VPS41: variants seen among roughly 807,000 people sequenced by gnomAD.
VPS41 encodes the protein vacuolar protein sorting-associated protein 41 homolog.
In VPS41, 85 loss-of-function variants were observed where a neutral mutation model predicts 130.9. That is an observed-to-expected ratio of 0.65 (90% CI 0.55 to 0.78). VPS41 has a LOEUF of 0.78. Ranked by LOEUF, VPS41 falls within the 30% of genes least tolerant of loss-of-function variation. VPS41 has a pLI of 0.00. For synonymous variants in VPS41, 335 were observed against 332.9 expected, an observed-to-expected ratio of 1.01 and a Z score of -0.07; for missense variants, 874 against 1,018.7, an observed-to-expected ratio of 0.86 and a Z score of 1.93.
chr7:38,837,676 G>A (rs1015065649), intron 4 of VPS41, among the ~76,000 whole-genome samples: 5 of 152,166 alleles, frequency 3.3e-5, no homozygotes, highest in African/African-American at 1.2e-4. Context: ...TGGCTGTCAG[G>A]AGAACTGTGC....
intron 21 of VPS41, 91 bp downstream of exon 21, chr7:38,754,611 T>C: frequency 1.9e-6 from 2 of 1,042,230 alleles, no homozygotes; most frequent in Non-Finnish European, 2.9e-6. Flanking sequence ...CCTTGAAGAA[T>C]TCACTCCAGT....
intron 6 of VPS41, 35 bp downstream of exon 6, chr7:38,821,168 A>C: frequency 6.5e-7 from 1 of 1,542,166 alleles, no homozygotes; most frequent in Non-Finnish European, 9.0e-7. Flanking sequence ...ACTTGAGAAA[A>C]CCCTTAGAAA....
At chr7:38,842,285 TC>T (rs1785624089) in intron 4 of VPS41, among the ~76,000 whole-genome samples, 1 of 151,954 alleles carries the variant, frequency 6.6e-6, no homozygotes, top group African/African-American at 2.4e-5. Flanking sequence ...TGACACCACT[TC>T]CCCAAACAAG....
At chr7:38,796,951 G>A (rs1443874516) in intron 7 of VPS41, 87 bp from the exon 8 acceptor site, 1 of 1,501,440 alleles carries the variant, frequency 6.7e-7, no homozygotes, top group Non-Finnish European at 9.2e-7. Context: ...CTATCCTCGT[G>A]ACCAAATAAC....
intron 21 of VPS41, among the ~76,000 whole-genome samples, chr7:38,753,314 C>T (rs905147022): frequency 2.0e-5 from 3 of 152,050 alleles, no homozygotes; most frequent in Non-Finnish European, 2.9e-5. Flanking sequence ...ACAATGACGC[C>T]TAACCATGGA....
At chr7:38,787,231 A>G (rs1393981277) in intron 10 of VPS41, among the ~76,000 whole-genome samples, 1 of 152,156 alleles carries the variant, frequency 6.6e-6, no homozygotes, top group Non-Finnish European at 1.5e-5. Flanking sequence ...CCCTGGCAGA[A>G]AACTCCCAGA....
At position 38,754,691 on chromosome 7, in the gene VPS41, G is replaced by A. The variant is rs760811325; in HGVS notation, c.1788+11C>T. 3 of 1,612,014 alleles carry A rather than the reference G, an allele frequency of 1.9e-6. No homozygotes were observed. Among genetic ancestry groups the A allele is most frequent in the Non-Finnish European group, 2.5e-6 (3 of 1,178,390 alleles). ...ATCAAAAGGGCAAAAGGAGGAGACT[G>A]CCATGCTCACCACATGCTGTAGCTC... On this transcript the variant is annotated intron_variant, in intron 21 of 28. Transcript: ENST00000310301.
chr7:38,860,568 C>G (rs746020703), intron 4 of VPS41, among the ~76,000 whole-genome samples: 9 of 152,102 alleles, frequency 5.9e-5, no homozygotes, highest in Admixed American at 4.6e-4. Flanking sequence ...AACATTAAGT[C>G]TATAAAATTA....
chr7:38,865,701 G>A (rs1786214182), intron 3 of VPS41, among the ~76,000 whole-genome samples: 1 of 152,296 alleles, frequency 6.6e-6, no homozygotes, highest in African/African-American at 2.4e-5. Flanking sequence ...GCTACAACTT[G>A]CTCAAAGGCA....
At chr7:38,892,331 G>A (rs1037795915) in intron 2 of VPS41, among the ~76,000 whole-genome samples, 2 of 152,138 alleles carry the variant, frequency 1.3e-5, no homozygotes, top group African/African-American at 2.4e-5. Context: ...CAAAGTTACC[G>A]AAAACTTGAA....
At chr7:38,819,068 G>A (rs572164644) in intron 6 of VPS41, among the ~76,000 whole-genome samples, 2 of 152,204 alleles carry the variant, frequency 1.3e-5, no homozygotes, top group South Asian at 2.1e-4. Flanking sequence ...TAGCTCTCTC[G>A]TAATGCATAA....
rs116392310 is a variant in VPS41, at chr7:38,827,856, G to C, written c.321+2398C>G. ...AATACTTCAGTGTATGGATCAAAAGGACTGACGGTACTCCAGAAAAAATTA... is the reference window on the plus strand; with the variant it reads ...AATACTTCAGTGTATGGATCAAAAGCACTGACGGTACTCCAGAAAAAATTA... On this transcript the variant is annotated intron_variant, in intron 5 of 28. Transcript: ENST00000310301. Among the ~76,000 whole-genome samples, 836 of 152,266 alleles carry C rather than the reference G, an allele frequency of 5.5e-3. 7 individuals are homozygous for C. Among genetic ancestry groups the C allele is most frequent in the African/African-American group, 0.018 (758 of 41,556 alleles).
chr7:38,863,130 T>G (rs1354330218), intron 3 of VPS41, among the ~76,000 whole-genome samples: 6 of 152,242 alleles, frequency 3.9e-5, no homozygotes, highest in African/African-American at 1.4e-4. Context: ...ATACCATCAG[T>G]TAGCTTTAGG....
At chr7:38,773,552 G>A (rs1480699422) in intron 12 of VPS41, among the ~76,000 whole-genome samples, 3 of 152,002 alleles carry the variant, frequency 2.0e-5, no homozygotes, top group Admixed American at 1.3e-4. Context: ...ATTTTACAAG[G>A]GTATGATAAC....
chr7:38,728,854 A>G, intron 25 of VPS41, 63 bp from the exon 26 acceptor site: 1 of 1,428,856 alleles, frequency 7.0e-7, no homozygotes, highest in African/African-American at 1.4e-5. Context: ...GGGTGAAGGG[A>G]CACTGTACTG....
At chr7:38,748,094 T>A (rs1277404375) in intron 22 of VPS41, among the ~76,000 whole-genome samples, 1 of 152,188 alleles carries the variant, frequency 6.6e-6, no homozygotes, top group Non-Finnish European at 1.5e-5. Flanking sequence ...TCTCTAGAAA[T>A]TTTGAGTAAA....
intron 2 of VPS41, among the ~76,000 whole-genome samples, chr7:38,875,492 T>C (rs1168679002): frequency 1.3e-5 from 2 of 152,204 alleles, no homozygotes; most frequent in Non-Finnish European, 2.9e-5. Context: ...TAACTATTAA[T>C]ACTGTATGCT....
chr7:38,866,847 G>T (rs62442053), intron 3 of VPS41, among the ~76,000 whole-genome samples: 8,997 of 152,242 alleles, frequency 0.059, 375 homozygotes, highest in Non-Finnish European at 0.087. Context: ...AATAGGAAAA[G>T]AATGGTGTCA....
chr7:38,772,843 T>G (rs535361891), intron 12 of VPS41, among the ~76,000 whole-genome samples: 1 of 152,114 alleles, frequency 6.6e-6, no homozygotes, highest in South Asian at 2.1e-4. Flanking sequence ...TTAAAAATAT[T>G]TAAGTGTAAA....
Sources: allele counts gnomAD v4.1 joint callset (sites outside exome capture counted in the v4.1 genomes callset), GRCh38; gene constraint gnomAD v4.1.1; transcripts MANE v1.5; gene names NCBI Gene and HGNC (gene_info 2026-07-23, HGNC 2026-07-21).